The following COL10A1 variants were observed in gnomAD, a reference collection of about 807,000 sequenced individuals.
COL10A1 encodes the protein collagen type X alpha 1 chain.
A neutral mutation model predicts 18.2 loss-of-function variants in COL10A1; 10 were observed. The ratio of observed to expected loss-of-function variants is 0.55; its 90% CI spans 0.34 to 0.93. The LOEUF is 0.93. Ranked by LOEUF, COL10A1 falls within the 40% of genes least tolerant of loss-of-function variation. COL10A1 has a pLI of 0.02. For missense variants in COL10A1, 897 were observed against 853.5 expected (o/e 1.05, Z -0.64); for synonymous variants, 330 against 316.6 (o/e 1.04, Z -0.45).
chr6:116,136,619 A>T (rs554416345), intron 1 of COL10A1, among the ~76,000 whole-genome samples: 2 of 152,276 alleles, frequency 1.3e-5, no homozygotes, highest in East Asian at 3.9e-4. Flanking sequence ...ATTTGAGTCA[A>T]ATTTCATTTG....
At chr6:116,177,426 T>G in the COL10A1 span, among the ~76,000 whole-genome samples, 1 of 152,168 alleles carries the variant, frequency 6.6e-6, no homozygotes, top group African/African-American at 2.4e-5. Flanking sequence ...TAGAAATGGC[T>G]TCCATCTGTT....
intron 1 of COL10A1, among the ~76,000 whole-genome samples, chr6:116,157,305 C>T (rs117919524): frequency 2.0e-5 from 3 of 152,198 alleles, no homozygotes; most frequent in Non-Finnish European, 4.4e-5. Flanking sequence ...TGGCACCAGT[C>T]AGTTGTCAAC....
chr6:116,121,671 G>A lies in COL10A1; in HGVS notation c.445C>T (p.Pro149Ser). The A allele has an allele frequency of 6.2e-7, 1 of 1,613,798 alleles. No individual in the cohort carries two copies. Among genetic ancestry groups the A allele is most frequent in the Non-Finnish European group, 8.5e-7 (1 of 1,179,790 alleles). ...TTTCCTGGCACAGAAATTCCAGCCG[G>A]TCCAGGGATTCCAGGTGGTCCTGGT... ...GPPGPPGIPG[P>S]AGISVPGKPG... Residue 149 changes from proline to serine, a missense_variant, in exon 3 of 3, where the codon CCG becomes TCG. By Grantham distance (74) the Pro-to-Ser change is moderately conservative (BLOSUM62 -1). Transcript: ENST00000651968.
intron 1 of COL10A1, chr6:116,137,129 G>T: frequency 4.8e-6 from 1 of 210,176 alleles, no homozygotes; most frequent in Non-Finnish European, 1.1e-5. Context: ...AATCGGTGGG[G>T]TCTCCTTTTC....
At position 116,119,972 on chromosome 6, in the gene COL10A1, A is replaced by T; in HGVS notation, c.*101T>A. ...CAAATCTGTATTTCAGAAAATAAAAATTACATTCTTTTCAGCCTACCTCCA... is the reference window on the plus strand; with the variant it reads ...CAAATCTGTATTTCAGAAAATAAAATTTACATTCTTTTCAGCCTACCTCCA... On this transcript the variant is annotated 3_prime_UTR_variant, in exon 3 of 3. Coordinates refer to ENST00000651968, the MANE Select transcript of COL10A1 (RefSeq NM_000493.4). The T allele has an allele frequency of 9.1e-7, 1 of 1,097,168 alleles. No homozygotes were observed. The highest frequency in any genetic ancestry group is 1.4e-6 in the Non-Finnish European group (1 of 721,968). The allele number at this position is 1,097,168 out of a possible 1,614,324, so 68.0% of individuals were successfully genotyped here. A position where few individuals can be genotyped will look rare whatever the true frequency, so the allele number is the denominator to read the frequency against.
chr6:116,157,132 C>T lies in COL10A1; in HGVS notation c.-16+1482G>A, dbSNP rs146466162. ...TATTTGGGTATGAGAATATGGAAAA[C>T]AAAGCAAAACTAACCTTTGGTAATA... On this transcript the variant is annotated intron_variant, in intron 1 of 1. Transcript: ENST00000418500. Among the ~76,000 whole-genome samples, 1,370 of 152,240 alleles carry T rather than the reference C, an allele frequency of 9.0e-3. 11 individuals are homozygous for T. Among genetic ancestry groups the T allele is most frequent in the Non-Finnish European group, 0.012 (845 of 67,998 alleles).
chr6:116,184,222 A>G, the COL10A1 span, among the ~76,000 whole-genome samples: 13 of 152,206 alleles, frequency 8.5e-5, no homozygotes, highest in Admixed American at 6.6e-4. Flanking sequence ...GCATATGTCA[A>G]ACTATCCCTG....
the COL10A1 span, among the ~76,000 whole-genome samples, chr6:116,177,223 A>G: frequency 5.7e-3 from 866 of 152,288 alleles, 17 homozygotes; most frequent in South Asian, 0.046. Context: ...GTTTAGTCTC[A>G]TAGATTATGT....
chr6:116,136,087 T>G (rs1388023668), intron 1 of COL10A1, among the ~76,000 whole-genome samples: 14 of 152,064 alleles, frequency 9.2e-5, no homozygotes, highest in Non-Finnish European at 1.5e-5. Flanking sequence ...AACATCTCCC[T>G]GTGACCCTCC....
the COL10A1 span, among the ~76,000 whole-genome samples, chr6:116,163,913 C>T: frequency 2.2e-3 from 336 of 152,170 alleles, no homozygotes; most frequent in Non-Finnish European, 3.5e-3. Flanking sequence ...TTTGAGAGTT[C>T]CTTTCAGCAT....
At chr6:116,137,438 G>T (rs751626040) in intron 1 of COL10A1, 1 of 162,322 alleles carries the variant, frequency 6.2e-6, no homozygotes, top group Non-Finnish European at 1.4e-5. Context: ...TCTCACTCAC[G>T]TAGTACACCT....
the COL10A1 span, among the ~76,000 whole-genome samples, chr6:116,165,627 C>A: frequency 3.9e-5 from 6 of 152,176 alleles, no homozygotes; most frequent in African/African-American, 1.4e-4. Context: ...GGAGATGACC[C>A]CCCTCTACAT....
At chr6:116,213,271 T>C in the COL10A1 span, among the ~76,000 whole-genome samples, 2 of 152,108 alleles carry the variant, frequency 1.3e-5, no homozygotes, top group Admixed American at 1.3e-4. Context: ...AGGGGCTCAC[T>C]ATGTCTTGCA....
Position 116,119,687 on chromosome 6 carries a change from AAAAGG to A in COL10A1, c.*381_*385del, listed in dbSNP as rs1211929030. On this transcript the variant is annotated 3_prime_UTR_variant, in exon 3 of 3. Coordinates refer to ENST00000651968, the MANE Select transcript of COL10A1 (RefSeq NM_000493.4). ...TCATAGTTAGAAACAGGCTTTTTTA[AAAAGG>A]AAATGCCGAGTTTCTCAAATCAAAT... The A allele has an allele frequency of 5.5e-6, 1 of 180,256 alleles. No homozygotes were observed. The highest frequency in any genetic ancestry group is 1.2e-5 in the Non-Finnish European group (1 of 85,988). The allele number at this position is 180,256 out of a possible 1,614,324, so 11.2% of individuals were successfully genotyped here.
Position 116,121,417 on chromosome 6 carries a change from G to A in COL10A1, c.699C>T (p.Ile233=), listed in dbSNP as rs2114288577. 1 of 1,614,006 alleles carries A rather than the reference G, an allele frequency of 6.2e-7. No individual in the cohort carries two copies. ...CTCCCGGAAAACCTCTATCACCTTT[G>A]ATGCCTGGCTGTCCTGGAACCCCAT... The part of the protein sequence containing the change: ...GENGVPGQPG[I]KGDRGFPGEM... The change falls in exon 3 of 3, where the codon ATC becomes ATT. Residue 233 remains isoleucine, a synonymous_variant. Coordinates refer to ENST00000651968, the MANE Select transcript of COL10A1 (RefSeq NM_000493.4).
the COL10A1 span, among the ~76,000 whole-genome samples, chr6:116,182,127 C>A: frequency 6.6e-6 from 1 of 151,900 alleles, no homozygotes; most frequent in Non-Finnish European, 1.5e-5. Context: ...GTTTTCCATT[C>A]CTGAGTTACT....
the COL10A1 span, among the ~76,000 whole-genome samples, chr6:116,207,600 T>C: frequency 6.6e-6 from 1 of 151,958 alleles, no homozygotes; most frequent in Non-Finnish European, 1.5e-5. Flanking sequence ...ACCCAAAATA[T>C]ATAAACTTGT....
the COL10A1 span, among the ~76,000 whole-genome samples, chr6:116,196,278 A>G: frequency 0.012 from 1,772 of 152,120 alleles, 36 homozygotes; most frequent in African/African-American, 0.041. Context: ...TCCATATCAC[A>G]TTTGTTATTT....
the COL10A1 span, among the ~76,000 whole-genome samples, chr6:116,192,335 GA>G: frequency 6.6e-6 from 1 of 151,950 alleles, no homozygotes; most frequent in African/African-American, 2.4e-5. Context: ...TATTAATAAT[GA>G]AAAGGCATTA....
Sources: allele counts gnomAD v4.1 joint callset (sites outside exome capture counted in the v4.1 genomes callset), GRCh38; gene constraint gnomAD v4.1.1; transcripts MANE v1.5; gene names NCBI Gene and HGNC (gene_info 2026-07-23, HGNC 2026-07-21).